TTC28: variants seen among roughly 807,000 people sequenced by gnomAD.
The protein encoded by TTC28 is tetratricopeptide repeat protein 28.
In TTC28, 61 loss-of-function variants were observed where a neutral mutation model predicts 198.0. That is an observed-to-expected ratio of 0.31 (90% CI 0.25 to 0.38). The LOEUF (loss-of-function observed/expected upper bound fraction) is 0.38, where lower values mean the gene tolerates loss of function less well. Ranked by LOEUF, TTC28 falls within the 10% of genes least tolerant of loss-of-function variation. TTC28 has a pLI of 1.00. For synonymous variants in TTC28, 1,171 were observed against 1,297.8 expected (o/e 0.90, Z 2.10); for missense variants, 2,678 against 3,164.0 (o/e 0.85, Z 3.69).
chr22:28,661,687 C>G (rs1328690124), intron 1 of TTC28, among the ~76,000 whole-genome samples: 3 of 152,106 alleles, frequency 2.0e-5, no homozygotes, highest in Non-Finnish European at 2.9e-5. Flanking sequence ...CAGCTCACTG[C>G]AACCTCTGCC....
intron 2 of TTC28, among the ~76,000 whole-genome samples, chr22:28,389,710 G>A (rs935907706): frequency 3.4e-5 from 5 of 148,222 alleles, no homozygotes; most frequent in African/African-American, 1.2e-4. Context: ...ATTTTTTATT[G>A]CGTCTATTTG....
chr22:28,657,787 G>A (rs34285557), intron 1 of TTC28, among the ~76,000 whole-genome samples: 3,723 of 152,188 alleles, frequency 0.024, 69 homozygotes, highest in Non-Finnish European at 0.037. Flanking sequence ...GCTGAGACGT[G>A]AGAATCGCTT....
At chr22:28,364,332 T>C (rs2046209592) in intron 2 of TTC28, among the ~76,000 whole-genome samples, 1 of 152,232 alleles carries the variant, frequency 6.6e-6, no homozygotes, top group African/African-American at 2.4e-5. Context: ...CCACCATGAT[T>C]GTGAGGCCTC....
chr22:28,165,109 G>A (rs961055641), intron 5 of TTC28, among the ~76,000 whole-genome samples: 8 of 152,150 alleles, frequency 5.3e-5, no homozygotes, highest in African/African-American at 1.9e-4. Context: ...GAAATGAAGT[G>A]AGAAGAGAAG....
At chr22:28,334,287 T>C (rs2045668865) in intron 2 of TTC28, among the ~76,000 whole-genome samples, 1 of 152,074 alleles carries the variant, frequency 6.6e-6, no homozygotes, top group Non-Finnish European at 1.5e-5. Context: ...GTCTTTGCTA[T>C]TGTGAATAGT....
chr22:28,027,327 T>C (rs1288956010), intron 13 of TTC28, among the ~76,000 whole-genome samples: 1 of 152,202 alleles, frequency 6.6e-6, no homozygotes, highest in Non-Finnish European at 1.5e-5. Context: ...TAGCAGTGCC[T>C]ACCCTGGGTT....
At chr22:28,678,394 C>T (rs117959254) in intron 1 of TTC28, among the ~76,000 whole-genome samples, 5,685 of 152,126 alleles carry the variant, frequency 0.037, 199 homozygotes, top group East Asian at 0.17. Context: ...TTTGCGGAGA[C>T]GAACGAGTCT....
chr22:28,538,638 C>A (rs2049348812), intron 2 of TTC28, among the ~76,000 whole-genome samples: 1 of 148,438 alleles, frequency 6.7e-6, no homozygotes, highest in South Asian at 2.1e-4. Flanking sequence ...CAGCTCACTG[C>A]AACCTCGGCC....
intron 2 of TTC28, among the ~76,000 whole-genome samples, chr22:28,387,947 A>ATAG (rs1305525902): frequency 6.6e-6 from 1 of 152,152 alleles, no homozygotes; most frequent in Non-Finnish European, 1.5e-5. Flanking sequence ...GGTAATGCCT[A>ATAG]GGTTTTCTTC....
intron 2 of TTC28, among the ~76,000 whole-genome samples, chr22:28,509,778 C>T (rs2048663172): frequency 6.6e-6 from 1 of 150,816 alleles, no homozygotes; most frequent in South Asian, 2.1e-4. Flanking sequence ...AAATAGATGA[C>T]CGAAAGCTAG....
At chr22:28,600,969 T>C (rs1428086228) in intron 2 of TTC28, among the ~76,000 whole-genome samples, 2 of 152,180 alleles carry the variant, frequency 1.3e-5, no homozygotes, top group East Asian at 3.8e-4. Flanking sequence ...AAACCTAAAT[T>C]AGTATTTTAT....
chr22:28,190,097 C>G (rs1024873550), intron 5 of TTC28, among the ~76,000 whole-genome samples: 2 of 152,138 alleles, frequency 1.3e-5, no homozygotes, highest in Non-Finnish European at 2.9e-5. Context: ...TCACCATGGT[C>G]ACACAGCTGA....
chr22:28,378,638 C>G (rs1054135327), intron 2 of TTC28, among the ~76,000 whole-genome samples: 6 of 151,328 alleles, frequency 4.0e-5, no homozygotes, highest in Non-Finnish European at 8.8e-5. Context: ...GAGCAAGATT[C>G]TGTGTCAAAA....
chr22:28,078,960 G>C (rs1228055640), intron 12 of TTC28, among the ~76,000 whole-genome samples: 2 of 152,180 alleles, frequency 1.3e-5, no homozygotes, highest in African/African-American at 4.8e-5. Flanking sequence ...TAAACTAGGA[G>C]GTGAAAGGAG....
chr22:28,028,877 C>G (rs550821708), intron 13 of TTC28: 1 of 407,702 alleles, frequency 2.5e-6, no homozygotes. Flanking sequence ...AGAAGCCATC[C>G]CCATTTCACA....
chr22:28,038,730 A>G (rs1211869433), intron 12 of TTC28, among the ~76,000 whole-genome samples: 2 of 152,202 alleles, frequency 1.3e-5, no homozygotes, highest in Admixed American at 6.5e-5. Context: ...GAGTGAACAG[A>G]CAACCTACAG....
chr22:28,609,345 G>A (rs370959126), intron 2 of TTC28, among the ~76,000 whole-genome samples: 2 of 152,226 alleles, frequency 1.3e-5, no homozygotes, highest in South Asian at 2.1e-4. Flanking sequence ...GATCGATGCA[G>A]AAGGCAGGTG....
intron 2 of TTC28, among the ~76,000 whole-genome samples, chr22:28,449,595 C>G (rs1018978845): frequency 2.0e-5 from 3 of 152,204 alleles, no homozygotes; most frequent in Non-Finnish European, 4.4e-5. Flanking sequence ...AAATTCAAGT[C>G]AGTCAGATCC....
intron 2 of TTC28, among the ~76,000 whole-genome samples, chr22:28,513,039 G>C (rs893639400): frequency 2.8e-5 from 4 of 144,428 alleles, no homozygotes; most frequent in African/African-American, 1.0e-4. Context: ...GAGTACAATG[G>C]TGTAAACGTA....
Sources: allele counts gnomAD v4.1 joint callset (sites outside exome capture counted in the v4.1 genomes callset), GRCh38; gene constraint gnomAD v4.1.1; transcripts MANE v1.5; gene names NCBI Gene and HGNC (gene_info 2026-07-23, HGNC 2026-07-21).